NUS1: variants seen among roughly 807,000 people sequenced by gnomAD.
NUS1 encodes the protein NUS1 dehydrodolichyl diphosphate synthase subunit, also known as dehydrodolichyl diphosphate synthase complex subunit NUS1.
For synonymous variants in NUS1, 135 were observed against 155.2 expected (o/e 0.87, Z 0.97); for missense variants, 292 against 382.9 (o/e 0.76, Z 1.98).
intron 3 of NUS1, among the ~76,000 whole-genome samples, chr6:117,700,513 T>A (rs952878317): frequency 1.3e-5 from 2 of 152,238 alleles, no homozygotes; most frequent in Admixed American, 6.5e-5. Flanking sequence ...AAGGGAATCC[T>A]TGTACACTGT....
chr6:117,703,492 G>GT, intron 3 of NUS1, 113 bp from the exon 4 acceptor site: 1 of 784,156 alleles, frequency 1.3e-6, no homozygotes, highest in Admixed American at 1.9e-5. Context: ...AAAACAGGTA[G>GT]TTTAAAGAAC....
chr6:117,705,795 T>G (rs1278028418), intron 4 of NUS1, among the ~76,000 whole-genome samples: 1 of 152,132 alleles, frequency 6.6e-6, no homozygotes, highest in African/African-American at 2.4e-5. Flanking sequence ...TGAAGCAAGC[T>G]TTAGCAAGAA....
chr6:117,698,400 C>T (rs1427593898), intron 3 of NUS1, among the ~76,000 whole-genome samples: 1 of 151,786 alleles, frequency 6.6e-6, no homozygotes, highest in African/African-American at 2.4e-5. Flanking sequence ...AACTATATGC[C>T]AATAAATTGG....
chr6:117,679,180 T>C (rs1773026337), intron 1 of NUS1, among the ~76,000 whole-genome samples: 1 of 152,200 alleles, frequency 6.6e-6, no homozygotes, highest in African/African-American at 2.4e-5. Context: ...GCTAAGTGAA[T>C]GGCAGATACT....
At chr6:117,677,435 G>A (rs762627845) in intron 1 of NUS1, among the ~76,000 whole-genome samples, 11 of 152,188 alleles carry the variant, frequency 7.2e-5, no homozygotes, top group Non-Finnish European at 1.2e-4. Flanking sequence ...GATCTTGAAA[G>A]CATTGGAATT....
In NUS1 at chr6:117,686,838, CAT is replaced by C. The variant is rs147171036; in HGVS notation, c.416-6203_416-6202del. On this transcript the variant is annotated intron_variant, in intron 1 of 4. Coordinates refer to ENST00000368494, the MANE Select transcript of NUS1 (RefSeq NM_138459.5). ...CTTATGTCTTGTATTTCTTGTGTAT[CAT>C]GTGAAGTGTGTATGTGTGTGTGTGT... is the stretch of plus-strand genomic sequence containing the variant. Among the ~76,000 whole-genome samples, 284 of 140,222 alleles carry C rather than the reference CAT, an allele frequency of 2.0e-3. 1 individual carries two copies. Among genetic ancestry groups the C allele is most frequent in the African/African-American group, 7.3e-3 (272 of 37,430 alleles). The allele number at this position is 140,222 out of a possible 152,430, so 92.0% of individuals were successfully genotyped here.
At chr6:117,682,540 A>G (rs1228822669) in intron 1 of NUS1, among the ~76,000 whole-genome samples, 9 of 152,208 alleles carry the variant, frequency 5.9e-5, no homozygotes, top group Non-Finnish European at 1.3e-4. Context: ...GGTTGGGGCT[A>G]CAGTGAACCA....
At chr6:117,705,706 T>C (rs899268786) in intron 4 of NUS1, among the ~76,000 whole-genome samples, 1 of 152,088 alleles carries the variant, frequency 6.6e-6, no homozygotes, top group Non-Finnish European at 1.5e-5. Context: ...TGGCACTATA[T>C]TGAAGAGTCG....
chr6:117,685,708 C>T (rs895164959), intron 1 of NUS1, among the ~76,000 whole-genome samples: 14 of 152,096 alleles, frequency 9.2e-5, no homozygotes, highest in Admixed American at 1.3e-4. Context: ...ATTGAGAGTA[C>T]GTGAAATATA....
At chr6:117,706,528 T>A (rs142991889) in intron 4 of NUS1, among the ~76,000 whole-genome samples, 117 of 152,342 alleles carry the variant, frequency 7.7e-4, no homozygotes, top group African/African-American at 2.7e-3. Context: ...CATATTAATT[T>A]TTTAGTTGAT....
chr6:117,703,170 T>A (rs1031685828), intron 3 of NUS1, among the ~76,000 whole-genome samples: 2 of 152,168 alleles, frequency 1.3e-5, no homozygotes, highest in Non-Finnish European at 2.9e-5. Flanking sequence ...GAATAGATAT[T>A]TTAAAATTTC....
At position 117,682,459 on chromosome 6, in the gene NUS1, C is replaced by G. The variant is rs373556077; in HGVS notation, c.415+6374C>G. 5.9e-5 allele frequency among the ~76,000 whole-genome samples: 9 copies of G among 152,096 alleles called. 1 individual carries two copies. Among genetic ancestry groups the G allele is most frequent in the Admixed American group, 1.3e-4 (2 of 15,276 alleles). Reference sequence around the variant, plus strand: ...CTGAAAAATAAAAATAGAAAATGAGCTAGACATGGTGTGTGCCTGTAGTCC... The same window carrying G: ...CTGAAAAATAAAAATAGAAAATGAGGTAGACATGGTGTGTGCCTGTAGTCC... On this transcript the variant is annotated intron_variant, in intron 1 of 4. Coordinates refer to ENST00000368494, the MANE Select transcript of NUS1 (RefSeq NM_138459.5).
rs768175363 is a variant in NUS1 at position 117,703,616 on chromosome 6, T to C, written c.703T>C (p.Cys235Arg). The change falls in exon 4 of 5, where the codon TGT (cysteine) becomes CGT (arginine). Residue 235 changes from cysteine to arginine, a missense_variant. Physicochemically the swap from Cys to Arg is radical, Grantham distance 180. Coordinates refer to ENST00000368494, the MANE Select transcript of NUS1 (RefSeq NM_138459.5). Reference sequence around the variant, plus strand: ...TATTTATTTCCAAGGTTCAAATGGTTGTCCTGATCCTGATTTAGTATTGAA... The same window carrying C: ...TATTTATTTCCAAGGTTCAAATGGTCGTCCTGATCCTGATTTAGTATTGAA... Reference protein sequence around the residue: ...TLASLLSSNGCPDPDLVLKFG... With the variant: ...TLASLLSSNGRPDPDLVLKFG... 6.2e-7 allele frequency: 1 copy of C among 1,612,470 alleles called. No individual in the cohort carries two copies. The highest frequency in any genetic ancestry group is 1.1e-5 in the South Asian group (1 of 91,046).
At chr6:117,681,117 C>G (rs184964839) in intron 1 of NUS1, among the ~76,000 whole-genome samples, 2 of 152,216 alleles carry the variant, frequency 1.3e-5, no homozygotes, top group East Asian at 1.9e-4. Flanking sequence ...TCATCTTTTC[C>G]GAGTCAATCC....
chr6:117,697,141 C>G (rs1773331377), intron 3 of NUS1, among the ~76,000 whole-genome samples: 1 of 151,616 alleles, frequency 6.6e-6, no homozygotes, highest in Admixed American at 6.6e-5. Context: ...TGGTAACCTC[C>G]AATCAAAAAA....
At chr6:117,705,804 A>G (rs1427237750) in intron 4 of NUS1, among the ~76,000 whole-genome samples, 1 of 152,162 alleles carries the variant, frequency 6.6e-6, no homozygotes, top group Non-Finnish European at 1.5e-5. Context: ...CTTTAGCAAG[A>G]ATAATGCATT....
intron 3 of NUS1, among the ~76,000 whole-genome samples, chr6:117,702,546 C>T (rs1406780088): frequency 6.6e-6 from 1 of 151,972 alleles, no homozygotes. Flanking sequence ...TGGTTTTGTC[C>T]AATTTAACAT....
At chr6:117,698,678 G>C (rs147077347) in intron 3 of NUS1, among the ~76,000 whole-genome samples, 1 of 152,198 alleles carries the variant, frequency 6.6e-6, no homozygotes, top group East Asian at 1.9e-4. Context: ...TGTGAAGCTA[G>C]TATTACCATG....
intron 3 of NUS1, among the ~76,000 whole-genome samples, chr6:117,697,508 A>G (rs575788391): frequency 1.3e-5 from 2 of 152,082 alleles, no homozygotes; most frequent in Non-Finnish European, 2.9e-5. Flanking sequence ...GAGTTACTAT[A>G]CTTATATCAG....
Sources: gnomAD v4.1 joint callset for allele counts (sites outside exome capture counted in the v4.1 genomes callset) on GRCh38, gnomAD v4.1.1 for gene constraint, MANE v1.5 for transcripts, NCBI Gene and HGNC (gene_info 2026-07-23, HGNC 2026-07-21) for gene names.